Variants in HERC1 observed in about 807,000 individuals in gnomAD.
HERC1 encodes HECT and RLD domain containing E3 ubiquitin protein ligase family member 1.
A neutral mutation model predicts 554.3 loss-of-function variants in HERC1; 160 were observed. The ratio of observed to expected loss-of-function variants is 0.29; its 90% CI spans 0.25 to 0.33. The LOEUF (loss-of-function observed/expected upper bound fraction) is 0.33. Among genes scored for constraint, HERC1 ranks in the 10% least tolerant of loss-of-function variants. HERC1 has a pLI of 1.00. For missense variants in HERC1, 4,919 were observed against 5,918.5 expected, an observed-to-expected ratio of 0.83 and a Z score of 5.54; for synonymous variants, 2,175 against 2,131.7, an observed-to-expected ratio of 1.02 and a Z score of -0.56.
In HERC1 at chr15:63,758,064, A is replaced by G; in HGVS notation, c.1221+111T>C. ...CTAATGCAGTATATAGACCAGAAAT[A>G]ACCATCGATAATTTTCACTCATTTA... is the stretch of plus-strand genomic sequence containing the variant. On this transcript the variant is annotated intron_variant, in intron 4 of 77. Coordinates refer to ENST00000443617, the MANE Select transcript of HERC1 (RefSeq NM_003922.4). This position sits in a 1 kb window ranked among gnomAD's most constrained non-coding sequence, Gnocchi z 4.0. 1 of 800,014 alleles carries G rather than the reference A, an allele frequency of 1.2e-6. No homozygotes were observed. The highest frequency in any genetic ancestry group is 2.3e-5 in the South Asian group (1 of 42,718). The allele number at this position is 800,014 out of a possible 1,614,324, so 49.6% of individuals were successfully genotyped here.
chr15:63,651,481 T>A, intron 52 of HERC1, 101 bp from the exon 53 acceptor site: 1 of 1,084,480 alleles, frequency 9.2e-7, no homozygotes, highest in South Asian at 1.7e-5. Context: ...CTAGAGTGTA[T>A]AACTGATTCT....
At position 63,694,934 on chromosome 15, in the gene HERC1, A is replaced by G. The variant is rs751591460; in HGVS notation, c.5122-40T>C. 13 of 1,571,886 alleles carry G rather than the reference A, an allele frequency of 8.3e-6. No individual in the cohort carries two copies. The Middle Eastern group carries it at 5.1e-4, about 62-fold the overall frequency. ...AAGAATTACTTTTTCTATTAGCAAC[A>G]ATAATACCTGCTTGCAAAAAGAAGT... On this transcript the variant is annotated intron_variant, in intron 27 of 77. Coordinates refer to ENST00000443617, the MANE Select transcript of HERC1 (RefSeq NM_003922.4). The surrounding 1 kb of genome is among the most constrained non-coding windows in gnomAD (Gnocchi z 4.3).
At chr15:63,674,237 A>ATT (rs1228332525) in intron 38 of HERC1, 105 bp downstream of exon 38, 89 of 694,686 alleles carry the variant, frequency 1.3e-4, no homozygotes, top group African/African-American at 1.5e-4. Context: ...CAAAAAAAAA[A>ATT]TTTTTTTTTT....
chr15:63,617,177 C>G (rs1412833541), intron 74 of HERC1, among the ~76,000 whole-genome samples: 4 of 152,216 alleles, frequency 2.6e-5, no homozygotes, highest in African/African-American at 4.8e-5. Flanking sequence ...CACCCCACAA[C>G]AGGCCCCAGT....
At chr15:63,720,398 G>A (rs528182095) in intron 19 of HERC1, among the ~76,000 whole-genome samples, 6 of 152,052 alleles carry the variant, frequency 3.9e-5, no homozygotes, top group Non-Finnish European at 5.9e-5. Context: ...GCTAGTCTCC[G>A]TTCATTTGAC....
intron 11 of HERC1, 124 bp downstream of exon 11, chr15:63,747,600 A>C (rs1369613638): frequency 1.7e-5 from 9 of 518,292 alleles, no homozygotes; most frequent in Admixed American, 3.7e-5. Flanking sequence ...AAAAAGTTTC[A>C]TATAATTTGG....
intron 74 of HERC1, among the ~76,000 whole-genome samples, chr15:63,619,544 T>A (rs922686299): frequency 1.3e-5 from 2 of 152,208 alleles, no homozygotes; most frequent in Admixed American, 6.5e-5. Context: ...TCTTTTTCTA[T>A]TGATTGGAAT....
rs1445945061 is a variant in HERC1 at position 63,625,977 on chromosome 15, T to C, written c.13275+8A>G. ...TGTGCCTGGCTGCTTACCACGCCAG[T>C]CTGTTACCTGGTTGTTGGGGCTAAG... is the stretch of plus-strand genomic sequence containing the variant. On this transcript the variant is annotated splice_region_variant and intron_variant, in intron 71 of 77. Transcript: ENST00000443617. 6.2e-7 allele frequency: 1 copy of C among 1,603,806 alleles called. No homozygotes were observed. The highest frequency in any genetic ancestry group is 1.7e-5 in the Admixed American group (1 of 58,404).
chr15:63,833,793 G>GCACACACAC (rs1567176634), intron 1 of HERC1, 34 bp downstream of exon 1: 1 of 146,236 alleles, frequency 6.8e-6, no homozygotes, highest in African/African-American at 2.6e-5. Flanking sequence ...ACACACACAG[G>GCACACACAC]ACCAGGAGGA....
At chr15:63,659,977 A>G (rs1229763808) in intron 46 of HERC1, 41 bp from the exon 47 acceptor site, 1 of 1,423,798 alleles carries the variant, frequency 7.0e-7, no homozygotes. Flanking sequence ...GTGAATTTAA[A>G]TATTACATAA....
chr15:63,727,695 G>T lies in HERC1; in HGVS notation c.3298C>A (p.Pro1100Thr). The change falls in exon 17 of 78, where the codon CCA becomes ACA. Residue 1100 changes from proline (P) to threonine (T), a missense_variant. Pro to Thr is a conservative substitution (Grantham distance 38). Around this residue, in one of 11 missense-constraint regions of HERC1, gnomAD observed 1,121 missense variants for 1,244.0 expected, o/e 0.90. Coordinates refer to ENST00000443617, the MANE Select transcript of HERC1 (RefSeq NM_003922.4). The surrounding 1 kb of genome is among the most constrained non-coding windows in gnomAD (Gnocchi z 4.3). ...TGGTCTTCTAAAAGATCAGCAGCTGGCAGGAGTCTATTAAGGCAATCAAGA... is the reference window on the plus strand; with the variant it reads ...TGGTCTTCTAAAAGATCAGCAGCTGTCAGGAGTCTATTAAGGCAATCAAGA... ...PPLDCLNRLL[P>T]AADLLEDQEL... 1 of 1,613,634 alleles carries T rather than the reference G, an allele frequency of 6.2e-7. No homozygotes were observed. The highest frequency in any genetic ancestry group is 8.5e-7 in the Non-Finnish European group (1 of 1,179,750).
chr15:63,658,199 T>A (rs571850179), intron 48 of HERC1, among the ~76,000 whole-genome samples: 1 of 152,310 alleles, frequency 6.6e-6, no homozygotes, highest in South Asian at 2.1e-4. Flanking sequence ...CATGATGGCA[T>A]CTGCAGGCTG....
intron 1 of HERC1, among the ~76,000 whole-genome samples, chr15:63,824,804 A>C (rs7165577): frequency 0.81 from 121,855 of 151,044 alleles, 50,930 homozygotes; most frequent in Non-Finnish European, 0.87. Context: ...AACAAATGAA[A>C]CTGGAGGACA....
chr15:63,635,856 G>A lies in HERC1; in HGVS notation c.12414+105C>T, dbSNP rs570709490. The A allele has an allele frequency of 1.1e-5, 13 of 1,160,088 alleles. No homozygotes were observed. The South Asian group carries it at 1.6e-4, about 14-fold the overall frequency. The allele number at this position is 1,160,088 out of a possible 1,614,324, so 71.9% of individuals were successfully genotyped here. A position where few individuals can be genotyped will look rare whatever the true frequency, so the allele number is the denominator to read the frequency against. ...AACCAATGGATCTCTTATAATTACT[G>A]TGTAATATATTTTTACTATATTTTC... On this transcript the variant is annotated intron_variant, in intron 65 of 77. Transcript: ENST00000443617.
intron 68 of HERC1, among the ~76,000 whole-genome samples, chr15:63,631,660 C>T (rs1322678038): frequency 2.0e-5 from 3 of 152,200 alleles, no homozygotes; most frequent in Non-Finnish European, 2.9e-5. Flanking sequence ...CCTGCCTCAG[C>T]GTCCCGAGTA....
At position 63,718,652 on chromosome 15, in the gene HERC1, T is replaced by C; in HGVS notation, c.3900A>G (p.Val1300=). Residue 1300 remains valine, a synonymous_variant, in exon 21 of 78, where the codon GTA becomes GTG. Transcript: ENST00000443617. The surrounding 1 kb of genome is among the most constrained non-coding windows in gnomAD (Gnocchi z 4.2). ...GKHLSEVYRC[V]YKVRSRLLAC... is the part of the protein sequence containing the mutation. ...CAAGTAAACGACTTCGAACTTTGTA[T>C]ACACAACGGTACACTTCTGATAAGT... 2 of 1,598,832 alleles carry C rather than the reference T, an allele frequency of 1.3e-6. No homozygotes were observed. Among genetic ancestry groups the C allele is most frequent in the South Asian group, 2.2e-5 (2 of 89,202 alleles).
intron 39 of HERC1, 95 bp from the exon 40 acceptor site, chr15:63,669,793 A>T: frequency 8.9e-7 from 1 of 1,124,552 alleles, no homozygotes. Context: ...AACCTGGAAG[A>T]CTAAACAGGT....
chr15:63,718,123 C>CACAA lies in HERC1; in HGVS notation c.3978+450_3978+451insTTGT, dbSNP rs2073650963. ...ACACACACACACACACACACACACA[C>CACAA]AACCCCCTCCTTGGTTTTCACTTCT... On this transcript the variant is annotated intron_variant, in intron 21 of 77. Transcript: ENST00000443617. The surrounding 1 kb of genome is among the most constrained non-coding windows in gnomAD (Gnocchi z 4.2). Among the ~76,000 whole-genome samples, 2 of 149,474 alleles carry CACAA rather than the reference C, an allele frequency of 1.3e-5. No individual in the cohort carries two copies. Among genetic ancestry groups the CACAA allele is most frequent in the Non-Finnish European group, 1.5e-5 (1 of 67,182 alleles).
At position 63,749,320 on chromosome 15, in the gene HERC1, T is replaced by C. The variant is rs995724102; in HGVS notation, c.2219+47A>G. Reference sequence around the variant, plus strand: ...TATTAGTGTTTCTACTTTTTATTGGTGTTTATGTTAAAACACACAAGAATT... The same window carrying C: ...TATTAGTGTTTCTACTTTTTATTGGCGTTTATGTTAAAACACACAAGAATT... On this transcript the variant is annotated intron_variant, in intron 10 of 77. Coordinates refer to ENST00000443617, the MANE Select transcript of HERC1 (RefSeq NM_003922.4). The surrounding 1 kb of genome is among the most constrained non-coding windows in gnomAD (Gnocchi z 4.1). 7.2e-6 allele frequency: 10 copies of C among 1,394,422 alleles called. No homozygotes were observed. Among genetic ancestry groups the C allele is most frequent in the Non-Finnish European group, 8.8e-6 (9 of 1,021,960 alleles). 86.4% of individuals were successfully genotyped at this position (1,394,422 alleles called of 1,614,324 possible).
Sources: gnomAD v4.1 joint callset for allele counts (sites outside exome capture counted in the v4.1 genomes callset) on GRCh38, gnomAD v4.1.1 for gene constraint, gnomAD v4.1.1 regional missense constraint, Gnocchi (gnomAD v3.1) non-coding constraint, MANE v1.5 for transcripts, NCBI Gene and HGNC (gene_info 2026-07-23, HGNC 2026-07-21) for gene names.